TRAPPC9: variants seen among roughly 807,000 people sequenced by gnomAD.
The protein encoded by TRAPPC9 is IKK2 binding protein.
Under a neutral mutation model 124.0 loss-of-function variants are expected in TRAPPC9, and 83 were observed. The observed-to-expected ratio is 0.67, with a 90% confidence interval of 0.56 to 0.80. The LOEUF is 0.80. Among genes scored for constraint, TRAPPC9 ranks in the 30% least tolerant of loss-of-function variants. The pLI, the probability that TRAPPC9 is intolerant of heterozygous loss-of-function variation, is 0.00. For synonymous variants in TRAPPC9, 638 were observed against 617.5 expected, an observed-to-expected ratio of 1.03 and a Z score of -0.49; for missense variants, 1,302 against 1,508.3, an observed-to-expected ratio of 0.86 and a Z score of 2.27.
At chr8:140,287,108 G>A (rs1158019180) in intron 13 of TRAPPC9, among the ~76,000 whole-genome samples, 2 of 152,138 alleles carry the variant, frequency 1.3e-5, no homozygotes, top group Non-Finnish European at 2.9e-5. Context: ...CATGCCTAGT[G>A]GAGGGTCAGC....
intron 18 of TRAPPC9, among the ~76,000 whole-genome samples, chr8:140,016,760 G>A (rs1839491270): frequency 6.6e-6 from 1 of 152,150 alleles, no homozygotes; most frequent in Non-Finnish European, 1.5e-5. Context: ...ATACTTGCAG[G>A]AGTCTTTTTG....
At chr8:139,856,410 C>G (rs1457605533) in intron 21 of TRAPPC9, among the ~76,000 whole-genome samples, 4 of 152,160 alleles carry the variant, frequency 2.6e-5, no homozygotes, top group Non-Finnish European at 4.4e-5. Flanking sequence ...GCGGCGGCTC[C>G]CCTTCCTCTA....
At chr8:139,998,090 C>T (rs917716619) in intron 18 of TRAPPC9, among the ~76,000 whole-genome samples, 3 of 152,140 alleles carry the variant, frequency 2.0e-5, no homozygotes, top group Non-Finnish European at 4.4e-5. Context: ...ACAGGGGAAA[C>T]AAAACAACAA....
At chr8:140,444,683 A>G (rs551226821) in intron 2 of TRAPPC9, among the ~76,000 whole-genome samples, 6 of 149,612 alleles carry the variant, frequency 4.0e-5, no homozygotes, top group Non-Finnish European at 4.5e-5. Context: ...CAACATGGTG[A>G]GACCCCCCCC....
At position 139,788,516 on chromosome 8, in the gene TRAPPC9, C is replaced by T. The variant is rs1311135339; in HGVS notation, c.3056-56314G>A. ...CCAGGCACAGCCAGCCATCGGGCGG[C>T]CCATGGTCCTGGGGCATGGCAGCTG... is the stretch of plus-strand genomic sequence containing the variant. On this transcript the variant is annotated intron_variant, in intron 21 of 22. Coordinates refer to ENST00000438773, the MANE Select transcript of TRAPPC9 (RefSeq NM_001160372.4). The surrounding 1 kb of genome is among the most constrained non-coding windows in gnomAD (Gnocchi z 4.9). Among the ~76,000 whole-genome samples, 1 of 152,182 alleles carries T rather than the reference C, an allele frequency of 6.6e-6. No homozygotes were observed. The highest frequency in any genetic ancestry group is 1.5e-5 in the Non-Finnish European group (1 of 68,032).
intron 21 of TRAPPC9, among the ~76,000 whole-genome samples, chr8:139,749,312 G>A (rs1819158447): frequency 6.6e-6 from 1 of 152,166 alleles, no homozygotes; most frequent in Admixed American, 6.5e-5. Flanking sequence ...GAGCTCCTGG[G>A]GGACCTCTGC....
rs79388249 is a variant in TRAPPC9, at chr8:139,744,575, T to C, written c.3056-12373A>G. Among the ~76,000 whole-genome samples, 967 of 152,226 alleles carry C rather than the reference T, an allele frequency of 6.4e-3. 6 individuals are homozygous for C. Among genetic ancestry groups the C allele is most frequent in the Non-Finnish European group, 0.01 (698 of 68,014 alleles). On this transcript the variant is annotated intron_variant, in intron 21 of 22. Transcript: ENST00000438773. ...GCTGGCTACACTCCCGCTGACCCCA[T>C]GGACACAGAACACAGGCTCTTTCCC...
In TRAPPC9 at chr8:140,451,010, C is replaced by T; in HGVS notation, c.364G>A (p.Gly122Arg). The T allele has an allele frequency of 6.2e-7, 1 of 1,614,162 alleles. No homozygotes were observed. The highest frequency in any genetic ancestry group is 1.1e-5 in the South Asian group (1 of 91,078). Residue 122 changes from glycine (G) to arginine (R), a missense_variant, in exon 2 of 23, where the codon GGG (glycine) becomes AGG (arginine). Gly to Arg is a moderately radical substitution (Grantham distance 125). Around this residue, in one of 3 missense-constraint regions of TRAPPC9, gnomAD observed 657 missense variants for 811.2 expected, o/e 0.81. Transcript: ENST00000438773. ...GTGCGCGGCTGCTCCACGATCTCCC[C>T]CTGCAGCCCGAAGACAAAGAGCCGG... ...DSRLFVFGLQ[G>R]EIVEQPRTDV...
chr8:139,963,371 C>CTGAAGGAAGG (rs1835468885), intron 19 of TRAPPC9, among the ~76,000 whole-genome samples: 1 of 152,124 alleles, frequency 6.6e-6, no homozygotes, highest in Non-Finnish European at 1.5e-5. Context: ...CCCTAGGCTT[C>CTGAAGGAAGG]CCAAGGATGG....
chr8:140,294,985 C>T (rs1356309559), intron 11 of TRAPPC9, among the ~76,000 whole-genome samples: 1 of 152,172 alleles, frequency 6.6e-6, no homozygotes, highest in Non-Finnish European at 1.5e-5. Flanking sequence ...ACGGTGGTGG[C>T]CCTTCCTCAC....
chr8:140,273,439 T>C (rs1324275456), intron 15 of TRAPPC9, among the ~76,000 whole-genome samples: 1 of 152,202 alleles, frequency 6.6e-6, no homozygotes, highest in East Asian at 1.9e-4. Flanking sequence ...CTTGGGCTGC[T>C]ATGCCACTAG....
At chr8:139,966,096 G>A (rs1240669470) in intron 19 of TRAPPC9, among the ~76,000 whole-genome samples, 1 of 152,000 alleles carries the variant, frequency 6.6e-6, no homozygotes, top group East Asian at 1.9e-4. Context: ...CTCAGCCAGT[G>A]CCTCTGGGCC....
chr8:140,342,404 C>T (rs977492443), intron 9 of TRAPPC9, among the ~76,000 whole-genome samples: 2 of 152,122 alleles, frequency 1.3e-5, no homozygotes, highest in Non-Finnish European at 2.9e-5. Context: ...GGTTTCTCTA[C>T]CAAGCAGGCA....
intron 21 of TRAPPC9, among the ~76,000 whole-genome samples, chr8:139,885,286 C>G (rs564009400): frequency 6.4e-4 from 98 of 152,272 alleles, no homozygotes; most frequent in Middle Eastern, 3.4e-3. Context: ...CCAGGTGCAA[C>G]AAGAAGAAGC....
At chr8:140,136,059 G>C (rs1246533216) in intron 17 of TRAPPC9, among the ~76,000 whole-genome samples, 1 of 152,144 alleles carries the variant, frequency 6.6e-6, no homozygotes, top group East Asian at 1.9e-4. Context: ...GAGAAAAAAA[G>C]GAAATGGATT....
At chr8:139,867,048 T>C (rs1828592976) in intron 21 of TRAPPC9, among the ~76,000 whole-genome samples, 1 of 152,214 alleles carries the variant, frequency 6.6e-6, no homozygotes. Context: ...TTGGCCAGGC[T>C]GGTCTTGAAC....
intron 15 of TRAPPC9, among the ~76,000 whole-genome samples, chr8:140,271,540 A>G (rs1192940749): frequency 3.9e-5 from 6 of 152,128 alleles, no homozygotes; most frequent in Non-Finnish European, 8.8e-5. Context: ...GGAGGGAGAA[A>G]CAGAGATAGA....
chr8:140,384,227 C>T (rs6986170), intron 7 of TRAPPC9, among the ~76,000 whole-genome samples: 107,244 of 151,878 alleles, frequency 0.71, 38,586 homozygotes, highest in African/African-American at 0.85. Context: ...GTAAAGACCA[C>T]CGAGACTAGG....
rs1188783434 is a variant in TRAPPC9 at position 140,182,313 on chromosome 8, T to G, written c.2556+39146A>C. Among the ~76,000 whole-genome samples the G allele has an allele frequency of 6.6e-6, 1 of 152,000 alleles. No homozygotes were observed. Among genetic ancestry groups the G allele is most frequent in the East Asian group, 1.9e-4 (1 of 5,176 alleles). ...AAGACCTTGGTCTATTCAACTGTTT[T>G]CTACATATTTCAACTAAAAAAAAAA... is the stretch of plus-strand genomic sequence containing the variant. On this transcript the variant is annotated intron_variant, in intron 17 of 22. Transcript: ENST00000438773. The surrounding 1 kb of genome is among the most constrained non-coding windows in gnomAD (Gnocchi z 4.0).
Sources: gnomAD v4.1 joint callset for allele counts (sites outside exome capture counted in the v4.1 genomes callset) on GRCh38, gnomAD v4.1.1 for gene constraint, gnomAD v4.1.1 regional missense constraint, Gnocchi (gnomAD v3.1) non-coding constraint, MANE v1.5 for transcripts, NCBI Gene and HGNC (gene_info 2026-07-23, HGNC 2026-07-21) for gene names.